PTPN13: variants seen among roughly 807,000 people sequenced by gnomAD.
PTPN13 encodes tyrosine-protein phosphatase non-receptor type 13.
In PTPN13, 191 loss-of-function variants were observed where a neutral mutation model predicts 284.0. The ratio of observed to expected loss-of-function variants is 0.67; its 90% CI spans 0.60 to 0.76. PTPN13 has a LOEUF of 0.76. Among genes scored for constraint, PTPN13 ranks in the 30% least tolerant of loss-of-function variants. The probability of loss-of-function intolerance (pLI) is 0.00; values close to 1 mark genes in which losing one functional copy is unlikely to be tolerated. For synonymous variants in PTPN13, 986 were observed against 1,022.3 expected, an observed-to-expected ratio of 0.96 and a Z score of 0.68; for missense variants, 2,797 against 2,939.9, an observed-to-expected ratio of 0.95 and a Z score of 1.12.
intron 40 of PTPN13, among the ~76,000 whole-genome samples, chr4:86,795,900 C>G (rs1743283025): frequency 6.6e-6 from 1 of 151,852 alleles, no homozygotes; most frequent in Non-Finnish European, 1.5e-5. Flanking sequence ...GGTTTGGGGG[C>G]CTGGGGGAGG....
At chr4:86,674,275 G>T (rs1728037358) in intron 3 of PTPN13, among the ~76,000 whole-genome samples, 1 of 152,094 alleles carries the variant, frequency 6.6e-6, no homozygotes, top group Non-Finnish European at 1.5e-5. Flanking sequence ...ATTCAGAATT[G>T]GCTATGAACA....
rs573908480 is a variant in PTPN13 at position 86,617,573 on chromosome 4, C to G, written c.-5-17679C>G. ...TATATCTCCTAATGCTATCCCTCCC[C>G]CTTCCCCTTCCAGCATCTGTTGTTT... On this transcript the variant is annotated intron_variant, in intron 1 of 47. Transcript: ENST00000411767. Among the ~76,000 whole-genome samples the G allele has an allele frequency of 3.3e-3, 510 of 152,246 alleles. 1 individual carries two copies. Among genetic ancestry groups the G allele is most frequent in the Non-Finnish European group, 4.3e-3 (294 of 68,016 alleles).
intron 2 of PTPN13, among the ~76,000 whole-genome samples, chr4:86,652,213 T>C (rs1346776500): frequency 1.3e-5 from 2 of 152,238 alleles, no homozygotes; most frequent in Admixed American, 6.5e-5. Flanking sequence ...GAGTTTGGTT[T>C]GCTATTGCTT....
intron 1 of PTPN13, among the ~76,000 whole-genome samples, chr4:86,626,274 A>G (rs1259293757): frequency 1.3e-5 from 2 of 152,170 alleles, no homozygotes; most frequent in Non-Finnish European, 2.9e-5. Context: ...CCAGAGGCCC[A>G]GAAAGGCAAT....
At chr4:86,727,649 C>T (rs182353892) in intron 10 of PTPN13, among the ~76,000 whole-genome samples, 11 of 149,300 alleles carry the variant, frequency 7.4e-5, no homozygotes, top group African/African-American at 1.2e-4. Context: ...TCTGTGGGAT[C>T]GATGTTGATA....
At chr4:86,668,546 T>TA (rs1018371708) in intron 2 of PTPN13, among the ~76,000 whole-genome samples, 1 of 152,140 alleles carries the variant, frequency 6.6e-6, no homozygotes, top group Admixed American at 6.6e-5. Flanking sequence ...ACAAGCCATT[T>TA]AAAAAATCAC....
chr4:86,661,650 G>A (rs1726500220), intron 2 of PTPN13, among the ~76,000 whole-genome samples: 1 of 152,166 alleles, frequency 6.6e-6, no homozygotes, highest in East Asian at 1.9e-4. Context: ...AGTTCCTACA[G>A]ATCATGTTTA....
intron 40 of PTPN13, among the ~76,000 whole-genome samples, chr4:86,789,982 C>T (rs1334565565): frequency 6.6e-6 from 1 of 151,908 alleles, no homozygotes; most frequent in Non-Finnish European, 1.5e-5. Context: ...TCACCATTTT[C>T]ATTTAATAAT....
At chr4:86,763,371 A>C (rs1738928204) in intron 24 of PTPN13, among the ~76,000 whole-genome samples, 181 bp downstream of exon 24, 1 of 152,246 alleles carries the variant, frequency 6.6e-6, no homozygotes. Flanking sequence ...AGCTTTGGAT[A>C]ATAACTTTAA....
intron 5 of PTPN13, among the ~76,000 whole-genome samples, chr4:86,691,265 C>T (rs996106959): frequency 4.6e-5 from 7 of 151,668 alleles, no homozygotes; most frequent in African/African-American, 1.7e-4. Flanking sequence ...AATAGCACTT[C>T]GAACTGTATC....
intron 7 of PTPN13, among the ~76,000 whole-genome samples, chr4:86,712,904 G>A (rs559300169): frequency 1.9e-3 from 285 of 152,124 alleles, no homozygotes; most frequent in Non-Finnish European, 3.2e-3. Flanking sequence ...ACATAGGGTA[G>A]TAGTAAGGGT....
At chr4:86,724,943 TTC>T (rs979898440) in intron 10 of PTPN13, among the ~76,000 whole-genome samples, 1 of 152,030 alleles carries the variant, frequency 6.6e-6, no homozygotes, top group African/African-American at 2.4e-5. Context: ...CATTAGGTGT[TTC>T]TCCTAATGCT....
chr4:86,689,239 A>G (rs774525702), intron 5 of PTPN13, 49 bp downstream of exon 5: 1 of 1,505,784 alleles, frequency 6.6e-7, no homozygotes, highest in Non-Finnish European at 9.1e-7. Flanking sequence ...AAAATTTAGT[A>G]GATATCACAA....
At chr4:86,655,656 T>G (rs1725706212) in intron 2 of PTPN13, among the ~76,000 whole-genome samples, 1 of 152,222 alleles carries the variant, frequency 6.6e-6, no homozygotes, top group Non-Finnish European at 1.5e-5. Flanking sequence ...CCGACCTTTC[T>G]CTCTGGCTGC....
intron 2 of PTPN13, among the ~76,000 whole-genome samples, chr4:86,643,056 G>A (rs1723998627): frequency 6.6e-6 from 1 of 152,144 alleles, no homozygotes; most frequent in South Asian, 2.1e-4. Context: ...GTGTTAGACT[G>A]ATTGATTAGT....
Position 86,784,538 on chromosome 4 carries a change from C to A in PTPN13, c.6098C>A (p.Pro2033Gln). 2 of 1,606,350 alleles carry A rather than the reference C, an allele frequency of 1.2e-6. No homozygotes were observed. The highest frequency in any genetic ancestry group is 1.7e-6 in the Non-Finnish European group (2 of 1,176,838). Reference protein sequence around the residue: ...KCSTYQIKGSPNLTLPKESYI... With the variant: ...KCSTYQIKGSQNLTLPKESYI... ...TCTACTTATCAGATAAAGGGATCAC[C>A]AAACTTGACTCTGCCCAAAGGTAGT... Residue 2033 changes from proline to glutamine, a missense_variant, in exon 38 of 48, where the codon CCA (proline) becomes CAA (glutamine). Transcript: ENST00000411767.
chr4:86,762,931 G>A lies in PTPN13; in HGVS notation c.3758G>A (p.Ser1253Asn). 1 of 1,613,882 alleles carries A rather than the reference G, an allele frequency of 6.2e-7. No individual in the cohort carries two copies. Among genetic ancestry groups the A allele is most frequent in the Non-Finnish European group, 8.5e-7 (1 of 1,179,848 alleles). Residue 1253 changes from serine (S) to asparagine (N), a missense_variant, in exon 24 of 48, where the codon AGT becomes AAT. By Grantham distance (46) the Ser-to-Asn change is conservative. Transcript: ENST00000411767. Reference protein sequence around the residue: ...SLSSQDSRTESASLSQSQVNG... With the variant: ...SLSSQDSRTENASLSQSQVNG... Reference sequence around the variant, plus strand: ...AGTTCTCAAGATTCCAGGACTGAGAGTGCCAGCTTGTCTCAAAGCCAGGTC... The same window carrying A: ...AGTTCTCAAGATTCCAGGACTGAGAATGCCAGCTTGTCTCAAAGCCAGGTC...
chr4:86,725,739 T>C (rs527700129), intron 10 of PTPN13, among the ~76,000 whole-genome samples: 1 of 149,810 alleles, frequency 6.7e-6, no homozygotes, highest in East Asian at 1.9e-4. Flanking sequence ...GATGGGTAGA[T>C]TGCAAAAATT....
At position 86,766,462 on chromosome 4, in the gene PTPN13, G is replaced by A. The variant is rs1739322763; in HGVS notation, c.4274G>A (p.Ser1425Asn). Reference sequence around the variant, plus strand: ...CGCGTCCTAGCTGTCAATGGAGTTAGTCTAGAAGGAGCCACCCATAAGCAA... The same window carrying A: ...CGCGTCCTAGCTGTCAATGGAGTTAATCTAGAAGGAGCCACCCATAAGCAA... Reference protein sequence around the residue: ...GDRVLAVNGVSLEGATHKQAV... With the variant: ...GDRVLAVNGVNLEGATHKQAV... Residue 1425 changes from serine to asparagine, a missense_variant, in exon 27 of 48, where the codon AGT (serine) becomes AAT (asparagine). Physicochemically the swap from Ser to Asn is conservative, Grantham distance 46. Coordinates refer to ENST00000411767, the MANE Select transcript of PTPN13 (RefSeq NM_080683.3). The A allele has an allele frequency of 7.5e-6, 12 of 1,610,142 alleles. No homozygotes were observed. Among genetic ancestry groups the A allele is most frequent in the African/African-American group, 1.3e-5 (1 of 74,760 alleles).
Sources: allele counts gnomAD v4.1 joint callset (sites outside exome capture counted in the v4.1 genomes callset), GRCh38; gene constraint gnomAD v4.1.1; transcripts MANE v1.5; gene names NCBI Gene and HGNC (gene_info 2026-07-23, HGNC 2026-07-21).